The following COL26A1 variants were observed in gnomAD, a reference collection of about 807,000 sequenced individuals.
COL26A1 encodes the protein collagen alpha-1(XXVI) chain.
In COL26A1, 41 loss-of-function variants were observed where a neutral mutation model predicts 59.3. The ratio of observed to expected loss-of-function variants is 0.69; its 90% CI spans 0.54 to 0.90. COL26A1 has a LOEUF of 0.90. COL26A1 is among the 40% of genes least tolerant of loss of function. The pLI is 0.00. For synonymous variants in COL26A1, 266 were observed against 256.0 expected, an observed-to-expected ratio of 1.04 and a Z score of -0.37; for missense variants, 612 against 602.3, an observed-to-expected ratio of 1.02 and a Z score of -0.17.
chr7:101,469,249 T>C (rs1793836537), intron 3 of COL26A1, among the ~76,000 whole-genome samples: 1 of 152,166 alleles, frequency 6.6e-6, no homozygotes, highest in African/African-American at 2.4e-5. Context: ...TGCTGGTAGC[T>C]ATTTAGGAGA....
At chr7:101,488,094 G>A (rs1394588271) in intron 3 of COL26A1, among the ~76,000 whole-genome samples, 1 of 147,184 alleles carries the variant, frequency 6.8e-6, no homozygotes, top group East Asian at 2.0e-4. Context: ...CCAACATGGT[G>A]AAACCCCCAT....
intron 3 of COL26A1, among the ~76,000 whole-genome samples, chr7:101,531,670 T>G (rs536093189): frequency 2.0e-5 from 3 of 152,144 alleles, no homozygotes; most frequent in Non-Finnish European, 4.4e-5. Flanking sequence ...CTGAGCACCC[T>G]GAGGGTACAG....
chr7:101,503,765 G>C (rs1314260753), intron 3 of COL26A1, among the ~76,000 whole-genome samples: 3 of 152,216 alleles, frequency 2.0e-5, no homozygotes, highest in Non-Finnish European at 4.4e-5. Context: ...GAAGGTGCTG[G>C]AACTTTTGTT....
chr7:101,444,252 G>C (rs946724917), intron 2 of COL26A1, among the ~76,000 whole-genome samples: 1 of 151,716 alleles, frequency 6.6e-6, no homozygotes, highest in Non-Finnish European at 1.5e-5. Flanking sequence ...ATCTATGACC[G>C]CAATATAGCA....
intron 1 of COL26A1, among the ~76,000 whole-genome samples, chr7:101,402,645 CCCTT>C (rs138716177): frequency 1.4e-3 from 28 of 20,628 alleles, no homozygotes; most frequent in South Asian, 6.3e-3. Flanking sequence ...TCCCCTCCCT[CCCTT>C]CCTTCCTTCC....
At chr7:101,539,794 G>A (rs1477620725) in intron 4 of COL26A1, 99 bp from the exon 5 acceptor site, 4 of 1,235,724 alleles carry the variant, frequency 3.2e-6, no homozygotes, top group Non-Finnish European at 4.4e-6. Context: ...GTGGACAGCT[G>A]CAGGTCTCAT....
At chr7:101,528,040 G>C (rs978432422) in intron 3 of COL26A1, among the ~76,000 whole-genome samples, 3 of 152,160 alleles carry the variant, frequency 2.0e-5, no homozygotes, top group Non-Finnish European at 1.5e-5. Context: ...ATCCCGTCCG[G>C]TTCTGGAGCG....
At chr7:101,509,275 T>G (rs10245282) in intron 3 of COL26A1, among the ~76,000 whole-genome samples, 49,586 of 151,418 alleles carry the variant, frequency 0.33, 12,049 homozygotes, top group African/African-American at 0.69. Flanking sequence ...TGAAACCCAC[T>G]TCTCTACTAA....
chr7:101,554,861 C>T lies in COL26A1; in HGVS notation c.1081-926C>T, dbSNP rs569354525. ...CTGCTCCTTCTCTGAGTTGGGGACA[C>T]GACACTGACATCCCTGTCCCAGACC... On this transcript the variant is annotated intron_variant, in intron 11 of 12. Transcript: ENST00000313669. Among the ~76,000 whole-genome samples the T allele has an allele frequency of 3.9e-5, 6 of 152,298 alleles. No individual in the cohort carries two copies. In the East Asian group the frequency reaches 5.8e-4, roughly 15 times the overall value.
chr7:101,543,972 G>A, intron 5 of COL26A1, 26 bp from the exon 6 acceptor site: 1 of 1,514,000 alleles, frequency 6.6e-7, no homozygotes, highest in Non-Finnish European at 9.0e-7. Context: ...ACCATGTTCT[G>A]ATGCCCTGTC....
chr7:101,382,039 A>T (rs1051547883), intron 1 of COL26A1, among the ~76,000 whole-genome samples: 1 of 152,016 alleles, frequency 6.6e-6, no homozygotes, highest in East Asian at 1.9e-4. Flanking sequence ...GTTTTTTAAA[A>T]TTTTTATTTA....
intron 5 of COL26A1, among the ~76,000 whole-genome samples, chr7:101,540,719 T>A (rs115516225): frequency 0.029 from 4,399 of 150,538 alleles, 75 homozygotes; most frequent in Middle Eastern, 0.07. Context: ...CCCAGCATGA[T>A]TAATCCCAGC....
intron 3 of COL26A1, among the ~76,000 whole-genome samples, chr7:101,456,493 C>T (rs750507806): frequency 5.9e-5 from 9 of 151,978 alleles, no homozygotes; most frequent in African/African-American, 9.7e-5. Flanking sequence ...GGAGAAACCT[C>T]GTCTCTACTA....
chr7:101,387,774 A>ATTTTTTTTTTTTTTTTTT (rs1185449488), intron 1 of COL26A1, among the ~76,000 whole-genome samples: 79 of 48,848 alleles, frequency 1.6e-3, no homozygotes, highest in Non-Finnish European at 2.5e-3. Flanking sequence ...ATATATATAT[A>ATTTTTTTTTTTTTTTTTT]TATATTTTTT....
intron 6 of COL26A1, 151 bp from the exon 7 acceptor site, chr7:101,545,187 C>T: frequency 1.5e-6 from 1 of 647,360 alleles, no homozygotes; most frequent in Non-Finnish European, 2.5e-6. Flanking sequence ...AGGACACCCC[C>T]AAGGAAGACT....
intron 3 of COL26A1, among the ~76,000 whole-genome samples, chr7:101,505,870 C>T (rs914300157): frequency 3.3e-5 from 5 of 152,202 alleles, no homozygotes; most frequent in African/African-American, 4.8e-5. Flanking sequence ...CAGCTGCCTT[C>T]TCTTATAAGA....
intron 3 of COL26A1, among the ~76,000 whole-genome samples, chr7:101,495,937 TA>T (rs5886196): frequency 0.27 from 41,169 of 150,886 alleles, 7,767 homozygotes; most frequent in African/African-American, 0.54. Flanking sequence ...CTACAAAAAA[TA>T]AAAAAAATTA....
rs574016135 is a variant in COL26A1, at chr7:101,480,662, A to G, written c.385+32875A>G. ...ACTATAGGCGTGCGTCACCATGCCC[A>G]GCTTTTTGGGGGGTATTTTTTGTAA... On this transcript the variant is annotated intron_variant, in intron 3 of 12. Transcript: ENST00000313669. Among the ~76,000 whole-genome samples, 5 of 152,066 alleles carry G rather than the reference A, an allele frequency of 3.3e-5. No homozygotes were observed. The South Asian group carries it at 8.3e-4, about 25-fold the overall frequency.
chr7:101,432,076 T>G (rs1792796740), intron 2 of COL26A1, among the ~76,000 whole-genome samples: 1 of 151,548 alleles, frequency 6.6e-6, no homozygotes, highest in Non-Finnish European at 1.5e-5. Flanking sequence ...TTCTCCTGCC[T>G]CAGCTTCCCG....
Sources: gnomAD v4.1 joint callset for allele counts (sites outside exome capture counted in the v4.1 genomes callset) on GRCh38, gnomAD v4.1.1 for gene constraint, MANE v1.5 for transcripts, NCBI Gene and HGNC (gene_info 2026-07-23, HGNC 2026-07-21) for gene names.